The following FAM53C variants were observed in gnomAD, a reference collection of about 807,000 sequenced individuals.
The protein encoded by FAM53C is family with sequence similarity 53 member C.
In FAM53C, 10 loss-of-function variants were observed where a neutral mutation model predicts 34.7. The ratio of observed to expected loss-of-function variants is 0.29; its 90% CI spans 0.18 to 0.49. The LOEUF (loss-of-function observed/expected upper bound fraction) is 0.49. Ranked by LOEUF, FAM53C falls within the 20% of genes least tolerant of loss-of-function variation. The pLI, the probability that FAM53C is intolerant of heterozygous loss-of-function variation, is 0.99. For synonymous variants in FAM53C, 203 were observed against 203.6 expected (o/e 1.00, Z 0.03); for missense variants, 442 against 515.3 (o/e 0.86, Z 1.38).
At chr5:138,342,001 G>A (rs1447751993) in intron 3 of FAM53C, 135 bp downstream of exon 3, 2 of 755,190 alleles carry the variant, frequency 2.6e-6, no homozygotes, top group Non-Finnish European at 4.6e-6. Context: ...TTCTGAGATT[G>A]ACAGTTGTCT....
chr5:138,341,434 C>T (rs779008746), intron 2 of FAM53C, 21 bp downstream of exon 2: 3 of 1,600,648 alleles, frequency 1.9e-6, no homozygotes, highest in Non-Finnish European at 1.7e-6. Flanking sequence ...AGTCTTCCTG[C>T]TTCTCCACGA....
chr5:138,341,790 G>T lies in FAM53C; in HGVS notation c.79-19G>T, dbSNP rs200594847. 9.3e-6 allele frequency: 15 copies of T among 1,612,936 alleles called. No homozygotes were observed. The highest frequency in any genetic ancestry group is 1.3e-5 in the Non-Finnish European group (15 of 1,179,002). On this transcript the variant is annotated intron_variant, in intron 2 of 4. Coordinates refer to ENST00000239906, the MANE Select transcript of FAM53C (RefSeq NM_016605.3). ...TGTGTCCTGAATCCAAATCATGATG[G>T]ATATTCTCTCTTTCTTAGCCTTTGC...
intron 4 of FAM53C, among the ~76,000 whole-genome samples, chr5:138,346,284 C>G (rs1761171798): frequency 6.6e-6 from 1 of 152,204 alleles, no homozygotes; most frequent in African/African-American, 2.4e-5. Flanking sequence ...CCTCACGGAG[C>G]TTCTATTCTT....
intron 4 of FAM53C, among the ~76,000 whole-genome samples, chr5:138,346,477 T>C (rs981681229): frequency 3.9e-5 from 6 of 152,116 alleles, no homozygotes; most frequent in Non-Finnish European, 8.8e-5. Flanking sequence ...TATAAAAAAT[T>C]AGCCGGGCGT....
At chr5:138,338,526 G>A (rs1760895515) in intron 1 of FAM53C, among the ~76,000 whole-genome samples, 1 of 152,012 alleles carries the variant, frequency 6.6e-6, no homozygotes, top group African/African-American at 2.4e-5. Flanking sequence ...CGCTTCCCGC[G>A]GCCAGATGAT....
chr5:138,348,556 T>C lies in FAM53C; in HGVS notation c.*1597T>C, dbSNP rs1761240743. On this transcript the variant is annotated 3_prime_UTR_variant, in exon 5 of 5. Coordinates refer to ENST00000239906, the MANE Select transcript of FAM53C (RefSeq NM_016605.3). ...CATGTAAGGGAGGAAGACCAAGGTC[T>C]TTGTGTTTTCTTCCTCATGGAATTG... 1 of 152,224 alleles carries C rather than the reference T, an allele frequency of 6.6e-6. No individual in the cohort carries two copies. Among genetic ancestry groups the C allele is most frequent in the Admixed American group, 6.5e-5 (1 of 15,292 alleles). The allele number at this position is 152,224 out of a possible 1,614,324, so 9.4% of individuals were successfully genotyped here.
intron 1 of FAM53C, 59 bp from the exon 2 acceptor site, chr5:138,341,125 C>A: frequency 1.5e-6 from 1 of 667,206 alleles, no homozygotes; most frequent in South Asian, 1.5e-5. Context: ...CATGCATTTT[C>A]CATCTCTGGA....
At position 138,348,159 on chromosome 5, in the gene FAM53C, T is replaced by G. The variant is rs1761232189; in HGVS notation, c.*1200T>G. On this transcript the variant is annotated 3_prime_UTR_variant, in exon 5 of 5. Coordinates refer to ENST00000239906, the MANE Select transcript of FAM53C (RefSeq NM_016605.3). Reference sequence around the variant, plus strand: ...TCTTCCACTCCTGCCAGGAAGTGTTTATTTGCCTCTAATTGGGCCTGAGAG... The same window carrying G: ...TCTTCCACTCCTGCCAGGAAGTGTTGATTTGCCTCTAATTGGGCCTGAGAG... 2.0e-5 allele frequency: 3 copies of G among 152,686 alleles called. No homozygotes were observed. The highest frequency in any genetic ancestry group is 4.4e-5 in the Non-Finnish European group (3 of 68,088). The allele number at this position is 152,686 out of a possible 1,614,324, so 9.5% of individuals were successfully genotyped here.
chr5:138,344,639 G>A (rs926718453), intron 3 of FAM53C, among the ~76,000 whole-genome samples, 186 bp from the exon 4 acceptor site: 15 of 152,204 alleles, frequency 9.9e-5, no homozygotes, highest in Admixed American at 5.2e-4. Context: ...TGAGTGCTAT[G>A]TGATTTTGGG....
upstream of FAM53C, chr5:138,338,177 C>A (rs1251107151): frequency 7.8e-7 from 1 of 1,289,194 alleles, no homozygotes; most frequent in East Asian, 5.5e-5. Context: ...GGGGATTCTG[C>A]GAGCCGGAGC....
rs763562901 is a variant in FAM53C at position 138,347,993 on chromosome 5, C to T, written c.*1034C>T. ...CTGCAACAGAAGTGGCATTCAGTCCCCAGCAGACATGGGTGAGCTCACCCC... is the reference window on the plus strand; with the variant it reads ...CTGCAACAGAAGTGGCATTCAGTCCTCAGCAGACATGGGTGAGCTCACCCC... On this transcript the variant is annotated 3_prime_UTR_variant, in exon 5 of 5. Coordinates refer to ENST00000239906, the MANE Select transcript of FAM53C (RefSeq NM_016605.3). 2.0e-5 allele frequency: 3 copies of T among 152,682 alleles called. No individual in the cohort carries two copies. Among genetic ancestry groups the T allele is most frequent in the Non-Finnish European group, 4.4e-5 (3 of 68,106 alleles). The allele number at this position is 152,682 out of a possible 1,614,324, so 9.5% of individuals were successfully genotyped here.
chr5:138,342,195 C>T (rs1761053173), intron 3 of FAM53C: 1 of 299,860 alleles, frequency 3.3e-6, no homozygotes, highest in African/African-American at 2.1e-5. Context: ...TACCCAGCTT[C>T]TACCACCTCC....
chr5:138,341,915 C>T, intron 3 of FAM53C, 49 bp downstream of exon 3: 1 of 1,568,716 alleles, frequency 6.4e-7, no homozygotes, highest in South Asian at 1.1e-5. Flanking sequence ...ATTCCTCTCT[C>T]CACACATTTC....
At chr5:138,338,236 T>C (rs908988049), upstream of FAM53C, 7 of 1,213,926 alleles carry the variant, frequency 5.8e-6, no homozygotes, top group Non-Finnish European at 7.6e-6. Flanking sequence ...CAGCGCCTTT[T>C]AAGGGCACCG....
intron 3 of FAM53C, among the ~76,000 whole-genome samples, chr5:138,344,207 A>C (rs896282238): frequency 2.6e-5 from 4 of 152,242 alleles, no homozygotes; most frequent in Non-Finnish European, 5.9e-5. Context: ...GATGAGCAGC[A>C]CAAAGTCAGG....
At chr5:138,343,567 C>T (rs912037184) in intron 3 of FAM53C, 1 of 151,576 alleles carries the variant, frequency 6.6e-6, no homozygotes, top group Non-Finnish European at 1.5e-5. Context: ...GTACATATGT[C>T]ATTTTTTCAC....
At position 138,345,195 on chromosome 5, in the gene FAM53C, C is replaced by T. The variant is rs781021014; in HGVS notation, c.507C>T (p.Ser169=). ...AGAGCCCCCCAAAGCGGGTCTCCAG[C>T]CTCAGGTTCCTCCAAGCTCCCAGTG... is the stretch of plus-strand genomic sequence containing the variant. ...PHQSPPKRVS[S]LRFLQAPSAS... is the part of the protein sequence containing the mutation. Residue 169 remains serine, a synonymous_variant, in exon 4 of 5, where the codon AGC becomes AGT. Coordinates refer to ENST00000239906, the MANE Select transcript of FAM53C (RefSeq NM_016605.3). This position sits in a 1 kb window ranked among gnomAD's most constrained non-coding sequence, Gnocchi z 6.3. 2 of 1,614,238 alleles carry T rather than the reference C, an allele frequency of 1.2e-6. No homozygotes were observed. Among genetic ancestry groups the T allele is most frequent in the East Asian group, 2.2e-5 (1 of 44,884 alleles).
upstream of FAM53C, chr5:138,338,122 T>G: frequency 7.8e-7 from 1 of 1,289,668 alleles, no homozygotes; most frequent in Non-Finnish European, 1.0e-6. Flanking sequence ...AGAGACACTT[T>G]GAGAGAGACA....
intron 1 of FAM53C, among the ~76,000 whole-genome samples, chr5:138,338,816 TCA>T (rs1307737510): frequency 6.6e-6 from 1 of 152,206 alleles, no homozygotes; most frequent in East Asian, 1.9e-4. Context: ...CCTGCCTTCC[TCA>T]TGTTTTTCTT....
Sources: allele counts gnomAD v4.1 joint callset (sites outside exome capture counted in the v4.1 genomes callset), GRCh38; gene constraint gnomAD v4.1.1; non-coding constraint Gnocchi (gnomAD v3.1); transcripts MANE v1.5; gene names NCBI Gene and HGNC (gene_info 2026-07-23, HGNC 2026-07-21).